MX1: variants seen among roughly 807,000 people sequenced by gnomAD.
MX1 encodes the protein interferon-induced GTP-binding protein Mx1.
MX1 carries 66 observed loss-of-function variants against 66.4 expected under a neutral mutation model. The ratio of observed to expected loss-of-function variants is 0.99; its 90% CI spans 0.82 to 1.22. The LOEUF is 1.22. Ranked by LOEUF, MX1 falls within the 50% of genes most tolerant of loss-of-function variation. The pLI is 0.00. For missense variants in MX1, 787 were observed against 834.3 expected (o/e 0.94, Z 0.70); for synonymous variants, 311 against 318.1 (o/e 0.98, Z 0.24).
chr21:41,448,956 G>A (rs2090748276), intron 13 of MX1, among the ~76,000 whole-genome samples, 181 bp from the exon 14 acceptor site: 1 of 87,892 alleles, frequency 1.1e-5, no homozygotes, highest in Non-Finnish European at 2.2e-5. Context: ...GTGTGTGTGT[G>A]TGTGTGTGTG....
Position 41,442,006 on chromosome 21 carries a change from A to AGTGTGTGT in MX1, c.929+104_929+111dup, listed in dbSNP as rs10693544. The stretch of plus-strand genomic sequence containing the variant: ...TGGCAGCCGTCCCACAGATGTGTGG[A>AGTGTGTGT]GTGTGTGTGTGTGTGTGTGCGTGTG... On this transcript the variant is annotated intron_variant, in intron 10 of 16. Coordinates refer to ENST00000398598, the MANE Select transcript of MX1 (RefSeq NM_002462.5). 6,272 of 904,542 alleles carry AGTGTGTGT rather than the reference A, an allele frequency of 6.9e-3. 25 individuals carry two copies. Among genetic ancestry groups the AGTGTGTGT allele is most frequent in the Non-Finnish European group, 8.3e-3 (4,664 of 565,188 alleles). The allele number at this position is 904,542 out of a possible 1,614,324, so 56.0% of individuals were successfully genotyped here.
upstream of MX1, among the ~76,000 whole-genome samples, chr21:41,422,361 G>A (rs1245200831): frequency 6.6e-6 from 1 of 152,166 alleles, no homozygotes; most frequent in Non-Finnish European, 1.5e-5. Context: ...CCCGTGTTTA[G>A]CATATCATCA....
intron 1 of MX1, 165 bp from the exon 2 acceptor site, chr21:41,427,041 G>T (rs2090083107): frequency 6.6e-6 from 1 of 152,270 alleles, no homozygotes; most frequent in South Asian, 2.1e-4. Flanking sequence ...AACACTCACA[G>T]CAGGTGCTGC....
rs371548669 is a variant in MX1, at chr21:41,455,485, A to G, written c.1758+2616A>G. Among the ~76,000 whole-genome samples the G allele has an allele frequency of 2.6e-5, 4 of 152,334 alleles. No homozygotes were observed. In the East Asian group the frequency reaches 7.7e-4, roughly 29 times the overall value. On this transcript the variant is annotated intron_variant, in intron 16 of 16. Coordinates refer to ENST00000398598, the MANE Select transcript of MX1 (RefSeq NM_002462.5). ...ACATGCACAGAATCCAAACAATAGG[A>G]TGAGTGACAATGGCAGAGGAGTCTC...
intron 16 of MX1, among the ~76,000 whole-genome samples, chr21:41,454,432 G>A (rs1384815003): frequency 6.6e-6 from 1 of 152,070 alleles, no homozygotes; most frequent in East Asian, 1.9e-4. Context: ...AAAGGGCCTG[G>A]CTTCTCTTCC....
upstream of MX1, chr21:41,422,112 C>A (rs1283416560): frequency 6.6e-6 from 1 of 152,210 alleles, no homozygotes; most frequent in African/African-American, 2.4e-5. Flanking sequence ...CATTCTAAGT[C>A]ACAGGGTGAG....
chr21:41,454,050 AGG>A (rs1365844859), intron 16 of MX1, among the ~76,000 whole-genome samples: 1 of 152,342 alleles, frequency 6.6e-6, no homozygotes, highest in African/African-American at 2.4e-5. Flanking sequence ...AAGGCCTAGA[AGG>A]GGAGAGGTCT....
At chr21:41,439,911 G>T in intron 8 of MX1, 63 bp downstream of exon 8, 9 of 1,113,188 alleles carry the variant, frequency 8.1e-6, no homozygotes, top group African/African-American at 1.6e-5. Flanking sequence ...GGAGGGGTGG[G>T]AGGAGAAAGA....
intron 13 of MX1, 138 bp from the exon 14 acceptor site, chr21:41,448,999 T>C (rs1323102395): frequency 1.6e-6 from 1 of 610,136 alleles, no homozygotes; most frequent in African/African-American, 1.9e-5. Context: ...ATATTTTTAG[T>C]TTACCAGTTA....
At position 41,458,666 on chromosome 21, in the gene MX1, C is replaced by A; in HGVS notation, c.1897C>A (p.Arg633=). Residue 633 remains arginine, a synonymous_variant, in exon 17 of 17, where the codon CGG becomes AGG. Coordinates refer to ENST00000398598, the MANE Select transcript of MX1 (RefSeq NM_002462.5). ...CACCTACAGCTGGCTCCTGAAGGAG[C>A]GGAGCGACACCAGCGACAAGCGGAA... is the stretch of plus-strand genomic sequence containing the variant. ...KDTYSWLLKE[R]SDTSDKRKFL... 1 of 1,614,202 alleles carries A rather than the reference C, an allele frequency of 6.2e-7. No individual in the cohort carries two copies. Among genetic ancestry groups the A allele is most frequent in the Non-Finnish European group, 8.5e-7 (1 of 1,180,038 alleles).
At chr21:41,449,544 C>A (rs1025773985) in intron 14 of MX1, 1 of 370,334 alleles carries the variant, frequency 2.7e-6, no homozygotes, top group African/African-American at 2.1e-5. Flanking sequence ...CTACAAATGC[C>A]GGTCACAAGT....
At position 41,439,622 on chromosome 21, in the gene MX1, GA is replaced by G. The variant is rs2090449709; in HGVS notation, c.437-71del. On this transcript the variant is annotated intron_variant, in intron 7 of 16. Transcript: ENST00000398598. ...TCGCAGAGAGGAGAAGATGCTTTCA[GA>G]GTATTCACCATCATGAGATCCGTTT... The G allele has an allele frequency of 2.1e-6, 3 of 1,414,450 alleles. No homozygotes were observed. In the Admixed American group the frequency reaches 5.3e-5, roughly 25 times the overall value. The allele number at this position is 1,414,450 out of a possible 1,614,324, so 87.6% of individuals were successfully genotyped here. A position where few individuals can be genotyped will look rare whatever the true frequency, so the allele number is the denominator to read the frequency against.
rs201279057 is a variant in MX1 at position 41,439,868 on chromosome 21, C to A, written c.591+20C>A. On this transcript the variant is annotated intron_variant, in intron 8 of 16. Transcript: ENST00000398598. ...TATAAGGTCAGACTTCAGACCCATT[C>A]TGACCTTGGCCGTGGCGTGGGGATG... 1.9e-6 allele frequency: 3 copies of A among 1,579,820 alleles called. No individual in the cohort carries two copies. In the East Asian group the frequency reaches 7.0e-5, roughly 37 times the overall value.
chr21:41,451,301 T>C, intron 15 of MX1, 58 bp downstream of exon 15: 1 of 1,083,334 alleles, frequency 9.2e-7, no homozygotes, highest in Non-Finnish European at 1.4e-6. Flanking sequence ...AGCTTGACAC[T>C]AGAAAATAGA....
At chr21:41,426,692 A>T (rs527981975) in intron 1 of MX1, 1 of 152,326 alleles carries the variant, frequency 6.6e-6, no homozygotes, top group South Asian at 2.1e-4. Context: ...GTCGACTTCT[A>T]TTTCCTGGGA....
intron 15 of MX1, among the ~76,000 whole-genome samples, chr21:41,451,705 C>T (rs1322223916): frequency 6.6e-6 from 1 of 151,798 alleles, no homozygotes; most frequent in Non-Finnish European, 1.5e-5. Flanking sequence ...CGTGGTGGTG[C>T]ATGCCTGTAA....
intron 16 of MX1, 70 bp from the exon 17 acceptor site, chr21:41,458,458 C>T: frequency 8.6e-7 from 1 of 1,166,974 alleles, no homozygotes; most frequent in Non-Finnish European, 1.1e-6. Flanking sequence ...CTCATGTGCA[C>T]ATGGTGAGGT....
At chr21:41,449,976 C>G (rs190471408) in intron 14 of MX1, among the ~76,000 whole-genome samples, 36 of 152,254 alleles carry the variant, frequency 2.4e-4, no homozygotes, top group African/African-American at 8.7e-4. Context: ...TATGTAGGGG[C>G]CCACCAGGCA....
upstream of MX1, among the ~76,000 whole-genome samples, chr21:41,424,074 G>C (rs1202244110): frequency 6.6e-6 from 1 of 152,192 alleles, no homozygotes; most frequent in African/African-American, 2.4e-5. Flanking sequence ...TGAAGTCTCT[G>C]TTCACATGAG....
Sources: gnomAD v4.1 joint callset for allele counts (sites outside exome capture counted in the v4.1 genomes callset) on GRCh38, gnomAD v4.1.1 for gene constraint, MANE v1.5 for transcripts, NCBI Gene and HGNC (gene_info 2026-07-23, HGNC 2026-07-21) for gene names.